The following ATRX variants were observed in gnomAD, a reference collection of about 807,000 sequenced individuals.
ATRX encodes ATRX chromatin remodeler.
Under a neutral mutation model 172.6 loss-of-function variants are expected in ATRX, and 12 were observed. The observed-to-expected ratio is 0.07, with a 90% CI of 0.04 to 0.11. ATRX has a LOEUF of 0.11. ATRX is among the 10% of genes least tolerant of loss of function. The pLI is 1.00. For missense variants in ATRX, 1,368 were observed against 1,767.4 expected, an observed-to-expected ratio of 0.77 and a Z score of 4.05; for synonymous variants, 674 against 594.7, an observed-to-expected ratio of 1.13 and a Z score of -1.94.
rs182846297 is a variant in ATRX, at chrX:77,580,826, T to C, written c.6218-6468A>G. ...TTATTATAAGTAGAAAGACTAAATG[T>C]TGAAGCAACAAAAATAACTACAACA... On this transcript the variant is annotated intron_variant, in intron 27 of 34. Coordinates refer to ENST00000373344, the MANE Select transcript of ATRX (RefSeq NM_000489.6). 7.1e-5 allele frequency among the ~76,000 whole-genome samples: 8 copies of C among 112,115 alleles called. No homozygotes were observed. The East Asian group carries it at 1.9e-3, about 27-fold the overall frequency.
chrX:77,542,617 G>C (rs143036011), intron 30 of ATRX, among the ~76,000 whole-genome samples: 2,714 of 111,440 alleles, frequency 0.024, 79 homozygotes, highest in African/African-American at 0.084. Flanking sequence ...TACCAAAACA[G>C]ATATATAGAC....
At chrX:77,769,618 G>A (rs1557198023) in intron 1 of ATRX, among the ~76,000 whole-genome samples, 3 of 111,035 alleles carry the variant, frequency 2.7e-5, no homozygotes, top group African/African-American at 6.6e-5. Context: ...TGCAACAAAC[G>A]GAAACAATCT....
At chrX:77,616,291 T>C in intron 22 of ATRX, 5 of 900,022 alleles carry the variant, frequency 5.6e-6, no homozygotes, top group Non-Finnish European at 5.6e-6. Context: ...GTAAATACTT[T>C]TTAAAAAAAT....
chrX:77,767,638 G>A (rs868970793), intron 1 of ATRX, among the ~76,000 whole-genome samples: 41 of 110,793 alleles, frequency 3.7e-4, no homozygotes, highest in Non-Finnish European at 5.5e-4. Context: ...CAGGTGATCC[G>A]CCCGCCTCAG....
Position 77,703,271 on chromosome X carries a change from A to G in ATRX, c.134-4642T>C, listed in dbSNP as rs1451381857. Among the ~76,000 whole-genome samples the G allele has an allele frequency of 2.7e-5, 3 of 112,741 alleles. No homozygotes were observed. In the Admixed American group the frequency reaches 2.8e-4, roughly 11 times the overall value. ...CCGCCTATTTGGCCTGGCCGGCTAC[A>G]CTCGGCTCATGCTACTGGCCTGTGT... On this transcript the variant is annotated intron_variant, in intron 2 of 34. Coordinates refer to ENST00000373344, the MANE Select transcript of ATRX (RefSeq NM_000489.6).
intron 1 of ATRX, among the ~76,000 whole-genome samples, chrX:77,721,025 C>T (rs1037750223): frequency 4.5e-5 from 5 of 111,905 alleles, no homozygotes; most frequent in African/African-American, 9.7e-5. Context: ...GTTCAACATA[C>T]GCAAATCAAT....
At chrX:77,644,908 A>G (rs781813717) in intron 15 of ATRX, among the ~76,000 whole-genome samples, 1 of 111,596 alleles carries the variant, frequency 9.0e-6, no homozygotes, top group Admixed American at 9.5e-5. Context: ...TACAGGAATG[A>G]ACTCAAACTG....
intron 1 of ATRX, 111 bp downstream of exon 1, chrX:77,785,871 G>T: frequency 1.0e-6 from 1 of 991,189 alleles, no homozygotes. Flanking sequence ...GCCTCTTTCG[G>T]CTAAGCAACA....
intron 22 of ATRX, among the ~76,000 whole-genome samples, chrX:77,606,237 A>T (rs1400690105): frequency 2.7e-5 from 3 of 110,735 alleles, no homozygotes; most frequent in Non-Finnish European, 5.7e-5. Context: ...CTAAAATGAA[A>T]ATGTAAAATA....
In ATRX at chrX:77,599,756, C is replaced by T. The variant is rs2148148654; in HGVS notation, c.5762G>A (p.Ser1921Asn). 1 of 1,209,593 alleles carries T rather than the reference C, an allele frequency of 8.3e-7. No individual in the cohort carries two copies. The highest frequency in any genetic ancestry group is 1.7e-5 in the African/African-American group (1 of 57,535). ...IASDSDETSMSLSSDDYTKKK... is the reference protein window; with the variant it reads ...IASDSDETSMNLSSDDYTKKK... ...CTTTGTATAATCATCGGAGCTTAAA[C>T]TCATGGAGGTTTCATCAGAATCTGA... Residue 1921 changes from serine to asparagine, a missense_variant, in exon 24 of 35, where the codon AGT becomes AAT. This residue lies in a region of ATRX where 17 missense variants were observed against 17.7 expected (regional missense o/e 0.96). Coordinates refer to ENST00000373344, the MANE Select transcript of ATRX (RefSeq NM_000489.6).
intron 22 of ATRX, among the ~76,000 whole-genome samples, chrX:77,613,726 T>C (rs1383978117): frequency 8.9e-6 from 1 of 112,326 alleles, no homozygotes; most frequent in Non-Finnish European, 1.9e-5. Flanking sequence ...ATCAGATATA[T>C]GTTTTGCAAT....
intron 12 of ATRX, among the ~76,000 whole-genome samples, chrX:77,659,109 C>T (rs1214527535): frequency 9.0e-6 from 1 of 110,610 alleles, no homozygotes; most frequent in South Asian, 3.8e-4. Context: ...TTTGGAATGA[C>T]GACACGTTTT....
chrX:77,752,673 T>C (rs1206854472), intron 1 of ATRX, among the ~76,000 whole-genome samples: 2 of 111,992 alleles, frequency 1.8e-5, no homozygotes, highest in Non-Finnish European at 3.8e-5. Flanking sequence ...GTTTCTAGCA[T>C]GAAGGGGTGT....
chrX:77,774,372 G>A (rs191240384), intron 1 of ATRX, among the ~76,000 whole-genome samples: 1 of 111,760 alleles, frequency 8.9e-6, no homozygotes, highest in African/African-American at 3.2e-5. Flanking sequence ...AATAAGGTCT[G>A]TAGATTAAAA....
intron 1 of ATRX, among the ~76,000 whole-genome samples, chrX:77,729,261 T>C (rs1002882196): frequency 9.0e-6 from 1 of 111,325 alleles, no homozygotes; most frequent in South Asian, 3.7e-4. Context: ...TAGCTCATAC[T>C]ACAATGCTAA....
At chrX:77,689,615 C>T (rs1232299683) in intron 6 of ATRX, among the ~76,000 whole-genome samples, 1 of 112,227 alleles carries the variant, frequency 8.9e-6, no homozygotes, top group Non-Finnish European at 1.9e-5. Flanking sequence ...AAGGCAGAGT[C>T]CCATTCTGTA....
In ATRX at chrX:77,574,398, A is replaced by ATCGC. The variant is rs1356508459; in HGVS notation, c.6218-44_6218-41dup. 7.2e-6 allele frequency: 7 copies of ATCGC among 976,790 alleles called. No homozygotes were observed. In the African/African-American group the frequency reaches 1.3e-4, roughly 18 times the overall value. 80.5% of individuals were successfully genotyped at this position (976,790 alleles called of 1,213,427 possible). A position where few individuals can be genotyped will look rare whatever the true frequency, so the allele number is the denominator to read the frequency against. On this transcript the variant is annotated intron_variant, in intron 27 of 34. Coordinates refer to ENST00000373344, the MANE Select transcript of ATRX (RefSeq NM_000489.6). ...AAAGAACACAAAAGGAATTTGATATATCGCTCTGCTTACTGGTAAGAACAG... is the reference window on the plus strand; with the variant it reads ...AAAGAACACAAAAGGAATTTGATATATCGCTCGCTCTGCTTACTGGTAAGAACAG...
intron 2 of ATRX, among the ~76,000 whole-genome samples, chrX:77,709,644 TAA>T (rs138104364): frequency 1.1e-3 from 104 of 90,692 alleles, no homozygotes; most frequent in Middle Eastern, 5.5e-3. Flanking sequence ...TCCAATGGAG[TAA>T]AAAAAAAAAA....
intron 1 of ATRX, among the ~76,000 whole-genome samples, chrX:77,727,483 C>G (rs1269374951): frequency 9.0e-6 from 1 of 111,323 alleles, no homozygotes; most frequent in Non-Finnish European, 1.9e-5. Context: ...CTATACACCA[C>G]GGAATACTAT....
Sources: gnomAD v4.1 joint callset for allele counts (sites outside exome capture counted in the v4.1 genomes callset) on GRCh38, gnomAD v4.1.1 for gene constraint, gnomAD v4.1.1 regional missense constraint, MANE v1.5 for transcripts, NCBI Gene and HGNC (gene_info 2026-07-23, HGNC 2026-07-21) for gene names.